PTPN14: variants seen among roughly 807,000 people sequenced by gnomAD.
PTPN14 encodes the protein tyrosine-protein phosphatase non-receptor type 14.
PTPN14 carries 53 observed loss-of-function variants against 126.8 expected under a neutral mutation model. The observed-to-expected ratio is 0.42, with a 90% confidence interval of 0.34 to 0.53. PTPN14 has a LOEUF of 0.53. Among genes scored for constraint, PTPN14 ranks in the 20% least tolerant of loss-of-function variants. The pLI is 0.08. For missense variants in PTPN14, 1,257 were observed against 1,552.9 expected (o/e 0.81, Z 3.20); for synonymous variants, 630 against 599.3 (o/e 1.05, Z -0.75).
intron 3 of PTPN14, among the ~76,000 whole-genome samples, chr1:214,430,221 G>A (rs997473814): frequency 2.6e-5 from 4 of 152,076 alleles, no homozygotes; most frequent in Non-Finnish European, 5.9e-5. Flanking sequence ...ATCCATCAGT[G>A]AGCCCTTGAT....
At chr1:214,426,795 A>C (rs1255048328) in intron 3 of PTPN14, among the ~76,000 whole-genome samples, 2 of 152,168 alleles carry the variant, frequency 1.3e-5, no homozygotes, top group African/African-American at 4.8e-5. Flanking sequence ...GGAACCAAAA[A>C]TTCAGGGGCG....
chr1:214,537,317 C>CT (rs1655733082), intron 1 of PTPN14, among the ~76,000 whole-genome samples: 1 of 152,178 alleles, frequency 6.6e-6, no homozygotes, highest in Non-Finnish European at 1.5e-5. Context: ...TAACGTTTTC[C>CT]TTTTTGCCTT....
chr1:214,430,984 C>A (rs1659784239), intron 3 of PTPN14, among the ~76,000 whole-genome samples: 1 of 152,090 alleles, frequency 6.6e-6, no homozygotes. Context: ...TGAATGAATG[C>A]CCAGAGGTGA....
chr1:214,388,272 C>G (rs1658668126), intron 11 of PTPN14, among the ~76,000 whole-genome samples: 1 of 152,144 alleles, frequency 6.6e-6, no homozygotes, highest in Non-Finnish European at 1.5e-5. Context: ...CAAGCATTCT[C>G]CATTTTATTT....
rs1186419218 is a variant in PTPN14, at chr1:214,433,922, CCA to C, written c.344+17881_344+17882del. Among the ~76,000 whole-genome samples the C allele has an allele frequency of 3.5e-3, 436 of 122,988 alleles. 5 individuals carry two copies. Among genetic ancestry groups the C allele is most frequent in the Middle Eastern group, 4.5e-3 (1 of 220 alleles). The allele number at this position is 122,988 out of a possible 152,430, so 80.7% of individuals were successfully genotyped here. A position where few individuals can be genotyped will look rare whatever the true frequency, so the allele number is the denominator to read the frequency against. ...TGGGCAACATAGTGAGACATTATTT[CCA>C]CACACACACACACACACACACACAC... On this transcript the variant is annotated intron_variant, in intron 3 of 18. Coordinates refer to ENST00000366956, the MANE Select transcript of PTPN14 (RefSeq NM_005401.5).
chr1:214,518,139 C>T lies in PTPN14; in HGVS notation c.-155+33044G>A, dbSNP rs145259258. Reference sequence around the variant, plus strand: ...GTTTGTCAAAAGATTGAACTGGGTACTGTATCCGAAAATCCACCATGGATG... The same window carrying T: ...GTTTGTCAAAAGATTGAACTGGGTATTGTATCCGAAAATCCACCATGGATG... On this transcript the variant is annotated intron_variant, in intron 1 of 18. Transcript: ENST00000366956. 4.6e-3 allele frequency among the ~76,000 whole-genome samples: 695 copies of T among 152,278 alleles called. 2 individuals are homozygous for T. The highest frequency in any genetic ancestry group is 0.015 in the African/African-American group (643 of 41,558).
chr1:214,349,583 C>A lies in PTPN14; in HGVS notation c.*8339G>T, dbSNP rs1453703912. On this transcript the variant is annotated 3_prime_UTR_variant, in exon 19 of 19. Transcript: ENST00000366956. ...GATTAGCTTGTTACTTGATGTAACA[C>A]AAGTTACATAAGGTTACACATTTAT... is the stretch of plus-strand genomic sequence containing the variant. The A allele has an allele frequency of 6.6e-6, 1 of 152,174 alleles. No individual in the cohort carries two copies. The highest frequency in any genetic ancestry group is 2.4e-5 in the African/African-American group (1 of 41,414). 9.4% of individuals were successfully genotyped at this position (152,174 alleles called of 1,614,324 possible).
chr1:214,481,752 G>A (rs531513307), intron 1 of PTPN14, among the ~76,000 whole-genome samples: 8 of 152,066 alleles, frequency 5.3e-5, no homozygotes, highest in East Asian at 1.9e-4. Context: ...TTGGGAGGCC[G>A]AGGCAGGTGG....
intron 1 of PTPN14, among the ~76,000 whole-genome samples, chr1:214,542,787 G>A (rs1396638413): frequency 6.6e-6 from 1 of 152,188 alleles, no homozygotes; most frequent in African/African-American, 2.4e-5. Context: ...TAACCCTGAG[G>A]AATAGTGGGA....
chr1:214,397,555 CATAAAAA>C (rs1244221914), intron 8 of PTPN14, among the ~76,000 whole-genome samples: 5 of 152,208 alleles, frequency 3.3e-5, no homozygotes, highest in African/African-American at 1.2e-4. Flanking sequence ...CTTTTGTTCA[CATAAAAA>C]TCAGTTGGCA....
At chr1:214,471,839 T>C (rs1308937977) in intron 1 of PTPN14, among the ~76,000 whole-genome samples, 1 of 152,242 alleles carries the variant, frequency 6.6e-6, no homozygotes, top group Non-Finnish European at 1.5e-5. Context: ...GGGAAGAAGA[T>C]TTCTTATTCT....
intron 12 of PTPN14, among the ~76,000 whole-genome samples, chr1:214,386,142 T>C (rs1181647368): frequency 3.9e-5 from 6 of 152,234 alleles, no homozygotes; most frequent in Non-Finnish European, 7.3e-5. Context: ...TGTATTCCAA[T>C]TTCTATAACT....
intron 1 of PTPN14, among the ~76,000 whole-genome samples, chr1:214,514,667 T>C (rs1311668206): frequency 6.6e-6 from 1 of 152,042 alleles, no homozygotes; most frequent in Non-Finnish European, 1.5e-5. Flanking sequence ...CCCATACTAC[T>C]GAAAATAATA....
At chr1:214,374,907 C>T (rs1658305663) in intron 15 of PTPN14, among the ~76,000 whole-genome samples, 1 of 152,162 alleles carries the variant, frequency 6.6e-6, no homozygotes, top group Admixed American at 6.5e-5. Context: ...TTCATAGACA[C>T]TCTATCAGGA....
At chr1:214,532,381 T>C (rs1655574378) in intron 1 of PTPN14, 2 of 629,966 alleles carry the variant, frequency 3.2e-6, no homozygotes, top group African/African-American at 3.7e-5. Flanking sequence ...GCCGCAGGGA[T>C]GGCTGGGGGC....
chr1:214,410,561 G>C (rs1236437388), intron 5 of PTPN14, among the ~76,000 whole-genome samples: 1 of 152,146 alleles, frequency 6.6e-6, no homozygotes, highest in Non-Finnish European at 1.5e-5. Flanking sequence ...AAAGTGCTGA[G>C]ATTATGGGCG....
intron 11 of PTPN14, among the ~76,000 whole-genome samples, chr1:214,390,181 G>C (rs1332555609): frequency 6.6e-6 from 1 of 152,102 alleles, no homozygotes; most frequent in Admixed American, 6.5e-5. Flanking sequence ...TGCTTATTTT[G>C]ATTTTGTGTA....
chr1:214,377,014 C>T (rs1007600401), intron 14 of PTPN14, among the ~76,000 whole-genome samples: 1 of 152,180 alleles, frequency 6.6e-6, no homozygotes, highest in East Asian at 1.9e-4. Context: ...TGTTTCTTAA[C>T]CTTCTGACAG....
At chr1:214,531,002 T>C (rs1235696120) in intron 1 of PTPN14, 1 of 152,114 alleles carries the variant, frequency 6.6e-6, no homozygotes, top group Non-Finnish European at 1.5e-5. Context: ...AATCAAAACT[T>C]CATAAACAAA....
Sources: allele counts gnomAD v4.1 joint callset (sites outside exome capture counted in the v4.1 genomes callset), GRCh38; gene constraint gnomAD v4.1.1; transcripts MANE v1.5; gene names NCBI Gene and HGNC (gene_info 2026-07-23, HGNC 2026-07-21).